The following BCHE variants were observed in gnomAD, a reference collection of about 807,000 sequenced individuals.
BCHE encodes the protein butyrylcholinesterase, also known as cholinesterase.
BCHE carries 48 observed loss-of-function variants against 51.3 expected under a neutral mutation model. That is an observed-to-expected ratio of 0.94 (90% CI 0.74 to 1.19). The LOEUF (loss-of-function observed/expected upper bound fraction) is 1.19. Ranked by LOEUF, BCHE falls within the 50% of genes most tolerant of loss-of-function variation. The probability of loss-of-function intolerance (pLI) is 0.00; values close to 1 mark genes in which losing one functional copy is unlikely to be tolerated. For missense variants in BCHE, 847 were observed against 708.2 expected (o/e 1.20, Z -2.23); for synonymous variants, 251 against 238.0 (o/e 1.05, Z -0.50).
intron 2 of BCHE, among the ~76,000 whole-genome samples, chr3:165,790,653 G>A (rs6807910): frequency 6.6e-6 from 1 of 152,102 alleles, no homozygotes; most frequent in Non-Finnish European, 1.5e-5. Flanking sequence ...AAGACTGGAA[G>A]ATTAAACTTG....
chr3:165,793,647 T>C (rs1349421070), intron 2 of BCHE, among the ~76,000 whole-genome samples: 1 of 152,192 alleles, frequency 6.6e-6, no homozygotes, highest in Non-Finnish European at 1.5e-5. Flanking sequence ...AATGACAATT[T>C]CCGTATTTTT....
At chr3:165,816,717 T>C (rs1714325011) in intron 2 of BCHE, among the ~76,000 whole-genome samples, 1 of 152,052 alleles carries the variant, frequency 6.6e-6, no homozygotes, top group Non-Finnish European at 1.5e-5. Context: ...CTTTATTTAG[T>C]CTTGAGTGGA....
rs1126680 is a variant in BCHE at position 165,837,337 on chromosome 3, C to T, written c.-32G>A. On this transcript the variant is annotated 5_prime_UTR_variant, in exon 1 of 4. Coordinates refer to ENST00000264381, the MANE Select transcript of BCHE (RefSeq NM_000055.4). ...ACCCGATTCTCTGCAACAAAGATGG[C>T]AAAGTTTGCAAGGAGTGAAAATCAT... 90,122 of 1,289,372 alleles carry T rather than the reference C, an allele frequency of 0.07. 3,525 individuals carry two copies. Among genetic ancestry groups the T allele is most frequent in the Non-Finnish European group, 0.078 (76,697 of 988,526 alleles). 79.9% of individuals were successfully genotyped at this position (1,289,372 alleles called of 1,614,324 possible).
chr3:165,812,079 G>T (rs947307461), intron 2 of BCHE, among the ~76,000 whole-genome samples: 2 of 151,930 alleles, frequency 1.3e-5, no homozygotes, highest in Admixed American at 1.3e-4. Flanking sequence ...ACAGACGGAG[G>T]ACCACCTGAA....
chr3:165,822,721 G>A (rs1280615724), intron 2 of BCHE, among the ~76,000 whole-genome samples: 2 of 152,056 alleles, frequency 1.3e-5, no homozygotes, highest in South Asian at 2.1e-4. Flanking sequence ...ATCTGCAAGA[G>A]TAGAAAGAAG....
At chr3:165,777,760 C>T (rs1172175304) in intron 3 of BCHE, 3 of 449,710 alleles carry the variant, frequency 6.7e-6, no homozygotes, top group African/African-American at 2.0e-5. Flanking sequence ...GACAGCGAGA[C>T]CAACAGCTCC....
chr3:165,808,994 C>A (rs1713976889), intron 2 of BCHE, among the ~76,000 whole-genome samples: 1 of 151,934 alleles, frequency 6.6e-6, no homozygotes, highest in Non-Finnish European at 1.5e-5. Flanking sequence ...GAGTAATGTA[C>A]TTACAGTTTT....
intron 1 of BCHE, among the ~76,000 whole-genome samples, chr3:165,831,419 T>C (rs1714985005): frequency 6.6e-6 from 1 of 152,180 alleles, no homozygotes; most frequent in African/African-American, 2.4e-5. Context: ...ATATAATTTC[T>C]GCCTTGGTAA....
rs979653503 is a variant in BCHE at position 165,830,727 on chromosome 3, C to G, written c.307G>C (p.Gly103Arg). ...TTCCACATCTCTGATCCATGGAAGC[C>G]TGGAAAACTTTGATCTATGTTCTGA... ...CCQNIDQSFP[G>R]FHGSEMWNPN... The change falls in exon 2 of 4, where the codon GGC (glycine) becomes CGC (arginine). Residue 103 changes from glycine to arginine, a missense_variant. By Grantham distance (125) the Gly-to-Arg change is moderately radical. Coordinates refer to ENST00000264381, the MANE Select transcript of BCHE (RefSeq NM_000055.4). 3 of 1,613,858 alleles carry G rather than the reference C, an allele frequency of 1.9e-6. No individual in the cohort carries two copies. Among genetic ancestry groups the G allele is most frequent in the Non-Finnish European group, 1.7e-6 (2 of 1,179,948 alleles).
chr3:165,793,023 T>C (rs1304358573), intron 2 of BCHE, among the ~76,000 whole-genome samples: 1 of 152,200 alleles, frequency 6.6e-6, no homozygotes. Flanking sequence ...GAAGATTTTT[T>C]TAGTTTAATA....
chr3:165,835,275 A>G (rs1715150622), intron 1 of BCHE, among the ~76,000 whole-genome samples: 1 of 151,920 alleles, frequency 6.6e-6, no homozygotes, highest in Admixed American at 6.6e-5. Flanking sequence ...ACTAAATGTT[A>G]TACTATAAGA....
Position 165,831,006 on chromosome 3 carries a change from T to G in BCHE, c.28A>C (p.Ile10Leu), listed in dbSNP as rs1488863737. Residue 10 changes from isoleucine (I) to leucine (L), a missense_variant, in exon 2 of 4, where the codon ATC (isoleucine) becomes CTC (leucine). Transcript: ENST00000264381. ...AAAAGAAACCAAAAGAGAAATCTGA[T>G]GCATATGATTGTGACTTTGCTATGC... MHSKVTIICIRFLFWFLLLC... is the reference protein window; with the variant it reads MHSKVTIICLRFLFWFLLLC... 6.2e-7 allele frequency: 1 copy of G among 1,613,078 alleles called. No homozygotes were observed. Among genetic ancestry groups the G allele is most frequent in the East Asian group, 2.2e-5 (1 of 44,868 alleles).
chr3:165,773,593 C>T, intron 3 of BCHE, 87 bp from the exon 4 acceptor site: 2 of 1,135,614 alleles, frequency 1.8e-6, no homozygotes, highest in Middle Eastern at 2.2e-4. Flanking sequence ...AAGCCATTTT[C>T]TCTAACTACA....
At chr3:165,835,558 A>T (rs1437278424) in intron 1 of BCHE, among the ~76,000 whole-genome samples, 3 of 151,904 alleles carry the variant, frequency 2.0e-5, no homozygotes, top group African/African-American at 7.2e-5. Context: ...TCTTAAATGT[A>T]TTTGAAGAAA....
chr3:165,833,838 G>A (rs1320735142), intron 1 of BCHE, among the ~76,000 whole-genome samples: 1 of 152,014 alleles, frequency 6.6e-6, no homozygotes, highest in Non-Finnish European at 1.5e-5. Context: ...AAGTGAATAA[G>A]GTGCAAAGCT....
chr3:165,799,114 C>A (rs1346364916), intron 2 of BCHE, among the ~76,000 whole-genome samples: 1 of 152,010 alleles, frequency 6.6e-6, no homozygotes, highest in Non-Finnish European at 1.5e-5. Context: ...CATTTTTCAA[C>A]TTTTAAGTTA....
chr3:165,781,736 A>T (rs1275881108), intron 3 of BCHE, among the ~76,000 whole-genome samples: 1 of 152,182 alleles, frequency 6.6e-6, no homozygotes, highest in Non-Finnish European at 1.5e-5. Flanking sequence ...CTACACATGT[A>T]TCGCAGCACT....
chr3:165,824,642 C>T (rs34018532), intron 2 of BCHE, among the ~76,000 whole-genome samples: 14,660 of 151,882 alleles, frequency 0.097, 772 homozygotes, highest in Admixed American at 0.14. Flanking sequence ...ATTTAACCCC[C>T]AAATTAAAAA....
At chr3:165,788,618 G>T (rs1208580605) in intron 2 of BCHE, among the ~76,000 whole-genome samples, 1 of 152,052 alleles carries the variant, frequency 6.6e-6, no homozygotes, top group Non-Finnish European at 1.5e-5. Flanking sequence ...CAATTCTTAT[G>T]TTCCTAAATT....
Sources: allele counts gnomAD v4.1 joint callset (sites outside exome capture counted in the v4.1 genomes callset), GRCh38; gene constraint gnomAD v4.1.1; transcripts MANE v1.5; gene names NCBI Gene and HGNC (gene_info 2026-07-23, HGNC 2026-07-21).